The following ZNF185 variants were observed in gnomAD, a reference collection of about 807,000 sequenced individuals.
ZNF185 encodes zinc finger protein 185.
In ZNF185, 56 loss-of-function variants were observed where a neutral mutation model predicts 58.6. The observed-to-expected ratio is 0.95, with a 90% CI of 0.77 to 1.19. The LOEUF (loss-of-function observed/expected upper bound fraction) is 1.19. ZNF185 is among the 50% of genes most tolerant of loss of function. The pLI is 0.00. For synonymous variants in ZNF185, 230 were observed against 215.9 expected, an observed-to-expected ratio of 1.07 and a Z score of -0.57; for missense variants, 627 against 573.5, an observed-to-expected ratio of 1.09 and a Z score of -0.95.
intron 22 of ZNF185, 137 bp from the exon 25 acceptor site, chrX:152,971,137 C>A (rs1395322268): frequency 8.9e-6 from 1 of 112,283 alleles, no homozygotes; most frequent in African/African-American, 3.2e-5. Context: ...TTTCCACTAG[C>A]TCCATGCTGA....
intron 14 of ZNF185, among the ~76,000 whole-genome samples, chrX:152,935,137 A>G (rs2046114348): frequency 9.1e-6 from 1 of 109,779 alleles, no homozygotes; most frequent in African/African-American, 3.3e-5. Context: ...AATATTTTCA[A>G]TCTGAAGTTG....
Position 152,954,884 on chromosome X carries a change from C to T in ZNF185, c.1410-4815C>T, listed in dbSNP as rs138950823. On this transcript the variant is annotated intron_variant, in intron 16 of 22. Coordinates refer to ENST00000449285, the Ensembl canonical transcript of ZNF185. The stretch of plus-strand genomic sequence containing the variant: ...ATTGAGCAATGAACTATTTGTGAAT[C>T]GGGCAGCCCCCAGAATCACAGCAGA... 8.1e-5 allele frequency among the ~76,000 whole-genome samples: 9 copies of T among 111,041 alleles called. No homozygotes were observed. The East Asian group carries it at 1.4e-3, about 17-fold the overall frequency.
exon 13 of ZNF185, chrX:152,931,746 C>T: frequency 8.3e-7 from 1 of 1,209,978 alleles, no homozygotes; most frequent in Admixed American, 2.2e-5. Flanking sequence ...GGTGAGGAGG[C>T]TTTCAGGGCC....
intron 11 of ZNF185, among the ~76,000 whole-genome samples, chrX:152,927,685 T>C (rs1235763017): frequency 8.9e-6 from 1 of 112,143 alleles, no homozygotes; most frequent in East Asian, 2.8e-4. Flanking sequence ...ACTGCTCCCA[T>C]GGCTAAACCT....
At chrX:152,938,235 T>TA in intron 15 of ZNF185, 72 bp downstream of exon 17, 1 of 1,048,158 alleles carries the variant, frequency 9.5e-7, no homozygotes, top group East Asian at 3.4e-5. Flanking sequence ...TCCATTGGCC[T>TA]TTGGCTGGGA....
In ZNF185 at chrX:152,918,561, G is replaced by A. The variant is rs782645206; in HGVS notation, c.431+407G>A. Among the ~76,000 whole-genome samples the A allele has an allele frequency of 3.5e-5, 4 of 112,865 alleles. No homozygotes were observed. The South Asian group carries it at 1.1e-3, about 31-fold the overall frequency. ...GGGGATCCTCAGGGTGCTGCTGTCA[G>A]TCTGAGCATTGTGTGCCTAAATCTG... On this transcript the variant is annotated intron_variant, in intron 6 of 22. Transcript: ENST00000449285.
At chrX:152,958,531 G>A (rs1001468927) in intron 16 of ZNF185, among the ~76,000 whole-genome samples, 34 of 110,730 alleles carry the variant, frequency 3.1e-4, no homozygotes, top group African/African-American at 1.1e-3. Flanking sequence ...CGAGGCGGGC[G>A]GATTGCCTGA....
chrX:152,914,792 G>C (rs781957946), exon 2 of ZNF185: 1 of 1,188,793 alleles, frequency 8.4e-7, no homozygotes, highest in Admixed American at 2.4e-5. Context: ...AGGGGGACAA[G>C]AGCTGGATTA....
At chrX:152,914,559 T>C (rs1937969547) in intron 1 of ZNF185, 36 bp downstream of exon 2, 1 of 1,155,211 alleles carries the variant, frequency 8.7e-7, no homozygotes, top group Non-Finnish European at 1.2e-6. Flanking sequence ...CAGGCTCTGT[T>C]TGGGGCTGTT....
chrX:152,949,627 G>A (rs2048108149), intron 16 of ZNF185, among the ~76,000 whole-genome samples: 1 of 111,265 alleles, frequency 9.0e-6, no homozygotes, highest in Non-Finnish European at 1.9e-5. Flanking sequence ...CCCTAGTCTG[G>A]GCACACGCCA....
intron 16 of ZNF185, among the ~76,000 whole-genome samples, chrX:152,945,849 GAA>G (rs1410770424): frequency 2.7e-5 from 3 of 111,642 alleles, no homozygotes; most frequent in Admixed American, 9.5e-5. Flanking sequence ...GACAGAGTGT[GAA>G]AGAGCAAAAA....
intron 19 of ZNF185, among the ~76,000 whole-genome samples, chrX:152,966,918 C>T (rs1170836841): frequency 9.0e-6 from 1 of 110,610 alleles, no homozygotes; most frequent in Non-Finnish European, 1.9e-5. Context: ...GCTGTTTTCC[C>T]ACTGGTCAGT....
chrX:152,965,522 T>C (rs782725652), exon 19 of ZNF185: 5 of 1,182,197 alleles, frequency 4.2e-6, no homozygotes, highest in Middle Eastern at 2.3e-4. Context: ...CTGCACGCTA[T>C]AGCAAGTAAG....
At chrX:152,918,335 G>C (rs1220803663) in intron 6 of ZNF185, among the ~76,000 whole-genome samples, 181 bp downstream of exon 7, 1 of 113,138 alleles carries the variant, frequency 8.8e-6, no homozygotes, top group African/African-American at 3.2e-5. Flanking sequence ...ACAAGCCCCA[G>C]AAAACTGGAT....
At chrX:152,953,517 G>A (rs782567743) in intron 16 of ZNF185, among the ~76,000 whole-genome samples, 27 of 110,995 alleles carry the variant, frequency 2.4e-4, no homozygotes, top group Non-Finnish European at 4.7e-4. Context: ...GTAACATAGC[G>A]AGACTCCTAT....
rs1169805358 is a variant in ZNF185 at position 152,945,523 on chromosome X, C to T, written c.1409+59C>T. 5.3e-5 allele frequency: 59 copies of T among 1,112,250 alleles called. No individual in the cohort carries two copies. In the South Asian group the frequency reaches 9.9e-4, roughly 19 times the overall value. The allele number at this position is 1,112,250 out of a possible 1,213,427, so 91.7% of individuals were successfully genotyped here. A position where few individuals can be genotyped will look rare whatever the true frequency, so the allele number is the denominator to read the frequency against. Reference sequence around the variant, plus strand: ...GAGCCCATGTTTTTGTTGAGGTCTGCGACCCACATGGGAACCACTTCCCCA... The same window carrying T: ...GAGCCCATGTTTTTGTTGAGGTCTGTGACCCACATGGGAACCACTTCCCCA... On this transcript the variant is annotated intron_variant, in intron 16 of 22. Transcript: ENST00000449285.
At chrX:152,962,686 C>CTGAGG (rs1363296949) in intron 17 of ZNF185, among the ~76,000 whole-genome samples, 1 of 112,029 alleles carries the variant, frequency 8.9e-6, no homozygotes, top group Non-Finnish European at 1.9e-5. Flanking sequence ...ATTGGGTACA[C>CTGAGG]TGAGGTGAGG....
intron 13 of ZNF185, among the ~76,000 whole-genome samples, chrX:152,932,238 G>A (rs1421600972): frequency 2.7e-5 from 3 of 112,587 alleles, no homozygotes; most frequent in Non-Finnish European, 3.8e-5. Flanking sequence ...AGCATGTAGC[G>A]GAGACTTTCA....
At chrX:152,898,516 AC>A in the ZNF185 span, among the ~76,000 whole-genome samples, 1 of 112,410 alleles carries the variant, frequency 8.9e-6, no homozygotes, top group Non-Finnish European at 1.9e-5. Context: ...TAGGAAAGAC[AC>A]GGTTTAATTG....
Sources: allele counts gnomAD v4.1 joint callset (sites outside exome capture counted in the v4.1 genomes callset), GRCh38; gene constraint gnomAD v4.1.1; transcripts MANE v1.5; gene names NCBI Gene and HGNC (gene_info 2026-07-23, HGNC 2026-07-21).